Variants in SLC2A13 observed in about 807,000 individuals in gnomAD.
SLC2A13 encodes proton myo-inositol cotransporter.
A neutral mutation model predicts 64.4 loss-of-function variants in SLC2A13; 32 were observed. The ratio of observed to expected loss-of-function variants is 0.50; its 90% CI spans 0.37 to 0.67. The LOEUF (loss-of-function observed/expected upper bound fraction) is 0.67, where lower values mean the gene tolerates loss of function less well. SLC2A13 is among the 30% of genes least tolerant of loss of function. SLC2A13 has a pLI of 0.00. For missense variants in SLC2A13, 743 were observed against 829.2 expected (o/e 0.90, Z 1.28); for synonymous variants, 338 against 327.1 (o/e 1.03, Z -0.36).
At chr12:39,872,764 T>C (rs1183098015) in intron 4 of SLC2A13, among the ~76,000 whole-genome samples, 1 of 152,216 alleles carries the variant, frequency 6.6e-6, no homozygotes, top group African/African-American at 2.4e-5. Context: ...AAAGTTAACC[T>C]GAAAACAAAG....
chr12:39,941,120 C>CATATATATAT (rs56394315), intron 4 of SLC2A13, among the ~76,000 whole-genome samples: 1 of 149,544 alleles, frequency 6.7e-6, no homozygotes, highest in African/African-American at 2.5e-5. Flanking sequence ...AGTATTCCAT[C>CATATATATAT]ATATATATAT....
rs572547594 is a variant in SLC2A13 at position 39,870,169 on chromosome 12, C to A, written c.1198+1629G>T. 3.3e-4 allele frequency among the ~76,000 whole-genome samples: 50 copies of A among 152,194 alleles called. 1 individual carries two copies. In the South Asian group the frequency reaches 0.01, roughly 31 times the overall value. On this transcript the variant is annotated intron_variant, in intron 5 of 9. Coordinates refer to ENST00000280871, the MANE Select transcript of SLC2A13 (RefSeq NM_052885.4). ...TCCCCAGATCTCAAAGGCCAAATCC[C>A]AAATTGAAGAAGCAATTAAGTTCTA...
intron 4 of SLC2A13, among the ~76,000 whole-genome samples, chr12:39,903,674 G>GCT (rs1945196135): frequency 6.6e-6 from 1 of 152,084 alleles, no homozygotes; most frequent in Non-Finnish European, 1.5e-5. Flanking sequence ...CTGATAACAA[G>GCT]GATATATATA....
intron 6 of SLC2A13, among the ~76,000 whole-genome samples, chr12:39,830,855 G>T (rs778343799): frequency 1.3e-5 from 2 of 152,164 alleles, no homozygotes; most frequent in Non-Finnish European, 2.9e-5. Flanking sequence ...TTTAAAAGAA[G>T]TAGGTATAGA....
chr12:39,965,689 G>A (rs1028723232), intron 3 of SLC2A13, among the ~76,000 whole-genome samples: 3 of 152,128 alleles, frequency 2.0e-5, no homozygotes, highest in African/African-American at 4.8e-5. Flanking sequence ...AAATTTCAGT[G>A]ACCTTTTAGG....
At chr12:40,080,761 T>C (rs1001618271) in intron 1 of SLC2A13, among the ~76,000 whole-genome samples, 4 of 152,238 alleles carry the variant, frequency 2.6e-5, no homozygotes, top group Non-Finnish European at 5.9e-5. Flanking sequence ...TAGTAGGTTG[T>C]TATGCAGACT....
At chr12:40,024,848 T>C (rs886145376) in intron 3 of SLC2A13, among the ~76,000 whole-genome samples, 7 of 152,218 alleles carry the variant, frequency 4.6e-5, no homozygotes, top group African/African-American at 1.7e-4. Context: ...CTGGTTTTCT[T>C]TTCTTACAAA....
intron 1 of SLC2A13, among the ~76,000 whole-genome samples, chr12:40,061,478 G>C (rs766748742): frequency 6.6e-6 from 1 of 151,934 alleles, no homozygotes; most frequent in Non-Finnish European, 1.5e-5. Flanking sequence ...GGTCATTCTG[G>C]GAAAGAAACA....
intron 7 of SLC2A13, among the ~76,000 whole-genome samples, chr12:39,818,569 A>G (rs1355354268): frequency 1.3e-5 from 2 of 152,200 alleles, no homozygotes; most frequent in African/African-American, 2.4e-5. Flanking sequence ...AGCTTATGTG[A>G]CATAGCCCAA....
At chr12:39,861,630 A>G (rs1450322728) in intron 6 of SLC2A13, among the ~76,000 whole-genome samples, 1 of 152,214 alleles carries the variant, frequency 6.6e-6, no homozygotes, top group Non-Finnish European at 1.5e-5. Flanking sequence ...TAGTAATTTG[A>G]GAGTGTGGAA....
At chr12:39,925,915 C>T (rs1265286369) in intron 4 of SLC2A13, among the ~76,000 whole-genome samples, 1 of 152,138 alleles carries the variant, frequency 6.6e-6, no homozygotes, top group Non-Finnish European at 1.5e-5. Context: ...CCTTCTTTGT[C>T]TAAGTTATCC....
At chr12:39,830,650 A>G (rs1294329030) in intron 6 of SLC2A13, among the ~76,000 whole-genome samples, 1 of 152,132 alleles carries the variant, frequency 6.6e-6, no homozygotes, top group East Asian at 1.9e-4. Flanking sequence ...TACACCATCT[A>G]TTTTAAAAAA....
At chr12:39,978,628 G>T (rs918131545) in intron 3 of SLC2A13, among the ~76,000 whole-genome samples, 1 of 152,204 alleles carries the variant, frequency 6.6e-6, no homozygotes, top group East Asian at 1.9e-4. Flanking sequence ...CTTAAAAAAC[G>T]GCGCACCACG....
intron 7 of SLC2A13, among the ~76,000 whole-genome samples, chr12:39,783,319 C>T (rs77295596): frequency 0.14 from 20,661 of 152,114 alleles, 1,687 homozygotes; most frequent in East Asian, 0.39. Flanking sequence ...TGAATAGTGC[C>T]GCAATAAACA....
chr12:39,948,414 G>C (rs77422748), intron 4 of SLC2A13, among the ~76,000 whole-genome samples: 1 of 152,026 alleles, frequency 6.6e-6, no homozygotes, highest in Non-Finnish European at 1.5e-5. Flanking sequence ...ATTTCAAGAA[G>C]AAAATCTATT....
At chr12:39,892,498 C>A (rs1193388825) in intron 4 of SLC2A13, among the ~76,000 whole-genome samples, 5 of 152,176 alleles carry the variant, frequency 3.3e-5, no homozygotes, top group Non-Finnish European at 7.4e-5. Context: ...TGACGCTTAA[C>A]CGAACTTTAG....
At chr12:39,866,213 A>T (rs183598542) in intron 5 of SLC2A13, among the ~76,000 whole-genome samples, 83 of 152,366 alleles carry the variant, frequency 5.4e-4, no homozygotes, top group Non-Finnish European at 9.6e-4. Flanking sequence ...ATTGAGAAGC[A>T]TCGTGGAAGT....
intron 1 of SLC2A13, among the ~76,000 whole-genome samples, chr12:40,086,292 C>T (rs1323023786): frequency 2.6e-5 from 4 of 152,088 alleles, no homozygotes; most frequent in Non-Finnish European, 5.9e-5. Flanking sequence ...TACTCCCCAC[C>T]TGATATCACC....
intron 6 of SLC2A13, among the ~76,000 whole-genome samples, chr12:39,859,655 TG>T (rs758797686): frequency 3.3e-5 from 5 of 152,126 alleles, no homozygotes; most frequent in Non-Finnish European, 7.4e-5. Context: ...CCCGAGTAGC[TG>T]GGATTACAGG....
Sources: gnomAD v4.1 joint callset for allele counts (sites outside exome capture counted in the v4.1 genomes callset) on GRCh38, gnomAD v4.1.1 for gene constraint, MANE v1.5 for transcripts, NCBI Gene and HGNC (gene_info 2026-07-23, HGNC 2026-07-21) for gene names.